The following SIM2 variants were observed in gnomAD, a reference collection of about 807,000 sequenced individuals.
SIM2 encodes the protein single-minded homolog 2.
SIM2 carries 28 observed loss-of-function variants against 64.8 expected under a neutral mutation model. That is an observed-to-expected ratio of 0.43 (90% CI 0.32 to 0.59). The LOEUF is 0.59. Among genes scored for constraint, SIM2 ranks in the 20% least tolerant of loss-of-function variants. SIM2 has a pLI of 0.07. For synonymous variants in SIM2, 408 were observed against 391.1 expected, an observed-to-expected ratio of 1.04 and a Z score of -0.51; for missense variants, 847 against 871.4, an observed-to-expected ratio of 0.97 and a Z score of 0.35.
intron 6 of SIM2, among the ~76,000 whole-genome samples, chr21:36,728,627 A>G (rs1323080290): frequency 6.6e-6 from 1 of 152,250 alleles, no homozygotes; most frequent in Non-Finnish European, 1.5e-5. Context: ...AGCTGCAGTC[A>G]CATGGGAGGG....
chr21:36,719,356 C>T (rs116908476), intron 3 of SIM2, among the ~76,000 whole-genome samples: 184 of 152,380 alleles, frequency 1.2e-3, no homozygotes, highest in African/African-American at 3.5e-3. Flanking sequence ...TGGTCGGCCT[C>T]GGAGTGGACA....
intron 7 of SIM2, among the ~76,000 whole-genome samples, chr21:36,737,730 C>G (rs571831095): frequency 1.3e-5 from 2 of 152,190 alleles, no homozygotes; most frequent in East Asian, 3.9e-4. Flanking sequence ...GAGGCCAAGG[C>G]GGGCGGGTCA....
chr21:36,708,230 C>G (rs1189737743), intron 1 of SIM2, among the ~76,000 whole-genome samples: 1 of 152,194 alleles, frequency 6.6e-6, no homozygotes, highest in African/African-American at 2.4e-5. Context: ...CCAGCCCGCG[C>G]TAAGCGCCGC....
chr21:36,724,071 G>A (rs1412046149), intron 5 of SIM2, among the ~76,000 whole-genome samples: 1 of 152,260 alleles, frequency 6.6e-6, no homozygotes, highest in African/African-American at 2.4e-5. Context: ...TGGGGTGAGA[G>A]GAAAGGGCAC....
Position 36,748,459 on chromosome 21 carries a change from C to G in SIM2, c.*367C>G, listed in dbSNP as rs940333612. ...TCACTCCGCAAATATCCTCCACTTT[C>G]AGGAGGGAAAACCCACCCTACCACA... On this transcript the variant is annotated 3_prime_UTR_variant, in exon 11 of 11. Coordinates refer to ENST00000290399, the MANE Select transcript of SIM2 (RefSeq NM_005069.6). The G allele has an allele frequency of 2.6e-5, 4 of 152,958 alleles. No homozygotes were observed. The highest frequency in any genetic ancestry group is 9.6e-5 in the African/African-American group (4 of 41,518). 9.5% of individuals were successfully genotyped at this position (152,958 alleles called of 1,614,324 possible).
intron 1 of SIM2, among the ~76,000 whole-genome samples, chr21:36,703,334 C>T (rs562666130): frequency 3.3e-5 from 5 of 152,266 alleles, no homozygotes; most frequent in African/African-American, 9.6e-5. Flanking sequence ...CAGCGCTACT[C>T]GGCCTTGGTC....
In SIM2 at chr21:36,748,994, G is replaced by A. The variant is rs532231346; in HGVS notation, c.*902G>A. 1 of 152,764 alleles carries A rather than the reference G, an allele frequency of 6.5e-6. No homozygotes were observed. Among genetic ancestry groups the A allele is most frequent in the South Asian group, 2.1e-4 (1 of 4,830 alleles). 9.5% of individuals were successfully genotyped at this position (152,764 alleles called of 1,614,324 possible). Reference sequence around the variant, plus strand: ...TAAAGTTAAATTGCACGTGCAATACGGAACACTGTCAATGGACTGCACCTT... The same window carrying A: ...TAAAGTTAAATTGCACGTGCAATACAGAACACTGTCAATGGACTGCACCTT... On this transcript the variant is annotated 3_prime_UTR_variant, in exon 11 of 11. Coordinates refer to ENST00000290399, the MANE Select transcript of SIM2 (RefSeq NM_005069.6).
chr21:36,707,699 G>A (rs1234675615), intron 1 of SIM2, among the ~76,000 whole-genome samples: 1 of 152,000 alleles, frequency 6.6e-6, no homozygotes, highest in African/African-American at 2.4e-5. Flanking sequence ...GAGGCCTCCA[G>A]AGACCGCGAT....
intron 1 of SIM2, among the ~76,000 whole-genome samples, chr21:36,705,046 G>C (rs1040142821): frequency 1.3e-5 from 2 of 152,206 alleles, no homozygotes; most frequent in African/African-American, 4.8e-5. Flanking sequence ...GAGCAACTAG[G>C]CGAGAACCTG....
chr21:36,748,265 G>T lies in SIM2; in HGVS notation c.*173G>T. 1 of 296,596 alleles carries T rather than the reference G, an allele frequency of 3.4e-6. No homozygotes were observed. The highest frequency in any genetic ancestry group is 5.8e-5 in the Admixed American group (1 of 17,152). 18.4% of individuals were successfully genotyped at this position (296,596 alleles called of 1,614,324 possible). ...CGGAGGCCCCGCGCGCCGGTGCCGA[G>T]GGCCGAGGAGCGCCCGGGTCCGGGC... is the stretch of plus-strand genomic sequence containing the variant. On this transcript the variant is annotated 3_prime_UTR_variant, in exon 11 of 11. Transcript: ENST00000290399.
At chr21:36,735,261 T>C (rs2123482273) in intron 7 of SIM2, among the ~76,000 whole-genome samples, 1 of 152,168 alleles carries the variant, frequency 6.6e-6, no homozygotes, top group Non-Finnish European at 1.5e-5. Flanking sequence ...GGAGAACAGG[T>C]CAGGCCAGTG....
intron 1 of SIM2, among the ~76,000 whole-genome samples, chr21:36,700,479 T>A: frequency 6.6e-6 from 1 of 152,160 alleles, no homozygotes. Context: ...CACTCTGGTT[T>A]TGCTTTCTTT....
At chr21:36,728,385 G>A (rs887610625) in intron 6 of SIM2, among the ~76,000 whole-genome samples, 3 of 152,208 alleles carry the variant, frequency 2.0e-5, no homozygotes, top group Admixed American at 6.5e-5. Context: ...ACATTGCCTG[G>A]AAAGGCAGCC....
At chr21:36,743,741 G>A (rs935920244) in intron 9 of SIM2, among the ~76,000 whole-genome samples, 186 bp downstream of exon 9, 1 of 152,136 alleles carries the variant, frequency 6.6e-6, no homozygotes, top group African/African-American at 2.4e-5. Flanking sequence ...ACATCCCGGT[G>A]GGCTAGTCAA....
intron 7 of SIM2, among the ~76,000 whole-genome samples, chr21:36,737,206 G>A (rs2089075130): frequency 6.6e-6 from 1 of 152,200 alleles, no homozygotes; most frequent in Non-Finnish European, 1.5e-5. Context: ...TGGGATTACA[G>A]GCATGAGCCA....
chr21:36,740,326 A>G (rs1039103724), intron 7 of SIM2, among the ~76,000 whole-genome samples: 2 of 152,112 alleles, frequency 1.3e-5, no homozygotes, highest in African/African-American at 4.8e-5. Flanking sequence ...GTTTCATGTA[A>G]AGGGAATCAT....
Position 36,745,681 on chromosome 21 carries a change from A to G in SIM2, c.1576+545A>G, listed in dbSNP as rs2089219971. ...AGGCCTCAGTTTCTTCACCTGTAAA[A>G]TGGGGTGAAGCTGTGATGTGCCTAC... On this transcript the variant is annotated intron_variant, in intron 10 of 10. Transcript: ENST00000290399. This position sits in a 1 kb window ranked among gnomAD's most constrained non-coding sequence, Gnocchi z 4.8. The G allele has an allele frequency of 8.3e-7, 1 of 1,207,694 alleles. No homozygotes were observed. Among genetic ancestry groups the G allele is most frequent in the Admixed American group, 2.5e-5 (1 of 39,446 alleles). 74.8% of individuals were successfully genotyped at this position (1,207,694 alleles called of 1,614,324 possible).
Position 36,713,106 on chromosome 21 carries a change from C to T in SIM2, c.348+484C>T, listed in dbSNP as rs145653311. 1.8e-3 allele frequency among the ~76,000 whole-genome samples: 269 copies of T among 152,216 alleles called. 1 individual carries two copies. Among genetic ancestry groups the T allele is most frequent in the East Asian group, 3.9e-4 (2 of 5,180 alleles). On this transcript the variant is annotated intron_variant, in intron 3 of 10. Transcript: ENST00000290399. ...GATTTATGAGTGTTCGCATGGAATT[C>T]GGGGTCATTTTTCCTGACTTTTTCC...
intron 1 of SIM2, among the ~76,000 whole-genome samples, chr21:36,707,618 A>G (rs1261037068): frequency 6.6e-6 from 1 of 150,472 alleles, no homozygotes; most frequent in East Asian, 1.9e-4. Context: ...TTAGGTTTTT[A>G]GTTGCCGAAT....
Sources: gnomAD v4.1 joint callset for allele counts (sites outside exome capture counted in the v4.1 genomes callset) on GRCh38, gnomAD v4.1.1 for gene constraint, Gnocchi (gnomAD v3.1) non-coding constraint, MANE v1.5 for transcripts, NCBI Gene and HGNC (gene_info 2026-07-23, HGNC 2026-07-21) for gene names.